The following DNAJC13 variants were observed in gnomAD, a reference collection of about 807,000 sequenced individuals.
DNAJC13 encodes the protein dnaJ homolog subfamily C member 13.
In DNAJC13, 75 loss-of-function variants were observed where a neutral mutation model predicts 290.5. That is an observed-to-expected ratio of 0.26 (90% CI 0.21 to 0.31). DNAJC13 has a LOEUF of 0.31. DNAJC13 is among the 10% of genes least tolerant of loss of function. The pLI, the probability that DNAJC13 is intolerant of heterozygous loss-of-function variation, is 1.00. For missense variants in DNAJC13, 2,260 were observed against 2,674.5 expected (o/e 0.85, Z 3.42); for synonymous variants, 862 against 892.0 (o/e 0.97, Z 0.60).
At chr3:132,429,178 A>G (rs1939180822) in intron 1 of DNAJC13, among the ~76,000 whole-genome samples, 1 of 152,224 alleles carries the variant, frequency 6.6e-6, no homozygotes, top group South Asian at 2.1e-4. Flanking sequence ...TTAAAATTGT[A>G]GATTTCAAAG....
At chr3:132,513,632 A>C (rs930719234) in intron 45 of DNAJC13, among the ~76,000 whole-genome samples, 8 of 152,160 alleles carry the variant, frequency 5.3e-5, no homozygotes, top group Non-Finnish European at 7.3e-5. Flanking sequence ...GAGTTGCCTA[A>C]AAAGGCCAAC....
At position 132,499,254 on chromosome 3, in the gene DNAJC13, A is replaced by G; in HGVS notation, c.4285A>G (p.Thr1429Ala). 7 of 1,614,076 alleles carry G rather than the reference A, an allele frequency of 4.3e-6. No individual in the cohort carries two copies. The highest frequency in any genetic ancestry group is 5.1e-6 in the Non-Finnish European group (6 of 1,179,978). ...LPAATELAFH[T>A]VNCSALNAEE... ...TGCGGCTACAGAGCTAGCTTTCCATACTGTCAACTGTTCAGCCCTCAATGC... is the reference window on the plus strand; with the variant it reads ...TGCGGCTACAGAGCTAGCTTTCCATGCTGTCAACTGTTCAGCCCTCAATGC... The change falls in exon 37 of 56, where the codon ACT (threonine) becomes GCT (alanine). Residue 1429 changes from threonine (T) to alanine (A), a missense_variant. Around this residue, in one of 3 missense-constraint regions of DNAJC13, gnomAD observed 1,494 missense variants for 1,693.7 expected, o/e 0.88. Coordinates refer to ENST00000260818, the MANE Select transcript of DNAJC13 (RefSeq NM_015268.4).
intron 1 of DNAJC13, among the ~76,000 whole-genome samples, chr3:132,428,833 C>CA (rs996340967): frequency 6.6e-6 from 1 of 152,164 alleles, no homozygotes; most frequent in African/African-American, 2.4e-5. Context: ...CTCCTGGATT[C>CA]AAACAATTCT....
chr3:132,460,956 A>G (rs2107673533), intron 14 of DNAJC13, 94 bp from the exon 15 acceptor site: 1 of 1,198,594 alleles, frequency 8.3e-7, no homozygotes, highest in Middle Eastern at 2.3e-4. Context: ...GATGTCTGAC[A>G]TATAGAATAA....
chr3:132,518,465 A>T (rs1329236051), intron 48 of DNAJC13, among the ~76,000 whole-genome samples: 1 of 151,910 alleles, frequency 6.6e-6, no homozygotes, highest in Non-Finnish European at 1.5e-5. Context: ...CCATCCTCCC[A>T]TCTCAGCCTC....
intron 20 of DNAJC13, among the ~76,000 whole-genome samples, chr3:132,471,291 G>C (rs1227599355): frequency 7.7e-5 from 11 of 143,662 alleles, no homozygotes; most frequent in Non-Finnish European, 1.7e-4. Context: ...CCGGTCGGGG[G>C]GGCTGACCCC....
intron 50 of DNAJC13, 104 bp downstream of exon 50, chr3:132,523,303 ACTCTTGGGTATTCCC>A: frequency 7.3e-7 from 1 of 1,361,200 alleles, no homozygotes; most frequent in South Asian, 1.3e-5. Flanking sequence ...TGTCATCAAG[ACTCTTGGGTATTCCC>A]CTGGAAAATA....
chr3:132,455,689 A>C (rs1933574577), intron 9 of DNAJC13, among the ~76,000 whole-genome samples: 3 of 152,238 alleles, frequency 2.0e-5, no homozygotes, highest in African/African-American at 7.2e-5. Context: ...AACTTGGATG[A>C]ATCTCAAAAG....
intron 46 of DNAJC13, among the ~76,000 whole-genome samples, chr3:132,515,727 C>T (rs1368482886): frequency 6.6e-6 from 1 of 152,114 alleles, no homozygotes; most frequent in Non-Finnish European, 1.5e-5. Context: ...ATATTTTAGC[C>T]TACTCTCTAT....
chr3:132,494,973 T>C (rs1005830056), intron 34 of DNAJC13, 115 bp from the exon 35 acceptor site: 15 of 612,558 alleles, frequency 2.4e-5, no homozygotes, highest in South Asian at 2.2e-4. Flanking sequence ...AAGCCTAATA[T>C]ATAATCATAT....
At chr3:132,494,353 C>G in intron 34 of DNAJC13, 94 bp downstream of exon 34, 1 of 1,001,256 alleles carries the variant, frequency 1.0e-6, no homozygotes, top group Non-Finnish European at 1.5e-6. Flanking sequence ...ATTTTAAAAT[C>G]TTTTGCCTAT....
Position 132,477,905 on chromosome 3 carries a change from G to A in DNAJC13, c.2549+13G>A, listed in dbSNP as rs773296789. On this transcript the variant is annotated intron_variant, in intron 23 of 55. Coordinates refer to ENST00000260818, the MANE Select transcript of DNAJC13 (RefSeq NM_015268.4). ...CAATTAAGAGATCGTGAGCTACTCT[G>A]TATATCCTGTCGCATTTGTTTTCAC... 1.2e-6 allele frequency: 2 copies of A among 1,607,476 alleles called. No individual in the cohort carries two copies. Among genetic ancestry groups the A allele is most frequent in the East Asian group, 2.2e-5 (1 of 44,778 alleles).
At chr3:132,536,529 A>C (rs1175338342) in intron 55 of DNAJC13, among the ~76,000 whole-genome samples, 1 of 152,198 alleles carries the variant, frequency 6.6e-6, no homozygotes, top group Non-Finnish European at 1.5e-5. Context: ...CTTGTAACCT[A>C]CTATTTTGAT....
intron 2 of DNAJC13, among the ~76,000 whole-genome samples, chr3:132,438,607 A>T (rs1932939879): frequency 6.6e-6 from 1 of 152,226 alleles, no homozygotes; most frequent in African/African-American, 2.4e-5. Context: ...GGAAGTAAAG[A>T]TGTATAAATA....
rs373843306 is a variant in DNAJC13, at chr3:132,513,065, A to G, written c.5351A>G (p.His1784Arg). 14 of 1,613,396 alleles carry G rather than the reference A, an allele frequency of 8.7e-6. No individual in the cohort carries two copies. Among genetic ancestry groups the G allele is most frequent in the Middle Eastern group, 1.7e-4 (1 of 6,056 alleles). ...TTGATATTTTCTCTTCTCCGAGTTCATGGAGCTGGTCAAGTGCAGCAGTTG... is the reference window on the plus strand; with the variant it reads ...TTGATATTTTCTCTTCTCCGAGTTCGTGGAGCTGGTCAAGTGCAGCAGTTG... ...FKLIFSLLRV[H>R]GAGQVQQLAL... The change falls in exon 45 of 56, where the codon CAT (histidine) becomes CGT (arginine). Residue 1784 changes from histidine to arginine, a missense_variant. Around this residue, in one of 3 missense-constraint regions of DNAJC13, gnomAD observed 1,494 missense variants for 1,693.7 expected, o/e 0.88. Coordinates refer to ENST00000260818, the MANE Select transcript of DNAJC13 (RefSeq NM_015268.4).
intron 55 of DNAJC13, among the ~76,000 whole-genome samples, chr3:132,532,685 A>C (rs1380862527): frequency 1.3e-5 from 2 of 150,774 alleles, no homozygotes; most frequent in African/African-American, 2.5e-5. Context: ...CATTACATTC[A>C]TTACTTTTTG....
chr3:132,453,405 C>T lies in DNAJC13; in HGVS notation c.645C>T (p.Phe215=), dbSNP rs201145839. ...GGATCAGGAAAGAGCCTTTAGAATTCGAGCAATATTTGAATCTTCGCTTTG... is the reference window on the plus strand; with the variant it reads ...GGATCAGGAAAGAGCCTTTAGAATTTGAGCAATATTTGAATCTTCGCTTTG... ...SLRIRKEPLE[F]EQYLNLRFGK... Residue 215 remains phenylalanine, a synonymous_variant, in exon 7 of 56, where the codon TTC becomes TTT. Transcript: ENST00000260818. 122 of 1,613,786 alleles carry T rather than the reference C, an allele frequency of 7.6e-5. No homozygotes were observed. The highest frequency in any genetic ancestry group is 1.6e-4 in the Middle Eastern group (1 of 6,078).
rs16839300 is a variant in DNAJC13 at position 132,488,710 on chromosome 3, A to G, written c.3422+258A>G. Among the ~76,000 whole-genome samples the G allele has an allele frequency of 0.052, 7,897 of 152,202 alleles. 411 individuals carry two copies. Among genetic ancestry groups the G allele is most frequent in the African/African-American group, 0.14 (5,618 of 41,504 alleles). On this transcript the variant is annotated intron_variant, in intron 30 of 55. Coordinates refer to ENST00000260818, the MANE Select transcript of DNAJC13 (RefSeq NM_015268.4). ...TTTAATATAACTATATTCATATTGT[A>G]CATGCAGTTTCACATTTTGCTTTCT...
At chr3:132,467,683 T>A (rs1934047283) in intron 20 of DNAJC13, among the ~76,000 whole-genome samples, 1 of 152,148 alleles carries the variant, frequency 6.6e-6, no homozygotes. Flanking sequence ...GCCAGGATGG[T>A]CTCAATCTCC....
Sources: gnomAD v4.1 joint callset for allele counts (sites outside exome capture counted in the v4.1 genomes callset) on GRCh38, gnomAD v4.1.1 for gene constraint, gnomAD v4.1.1 regional missense constraint, MANE v1.5 for transcripts, NCBI Gene and HGNC (gene_info 2026-07-23, HGNC 2026-07-21) for gene names.